Variants in TYW1B observed in about 807,000 individuals in gnomAD.
TYW1B encodes the protein tRNA-yW synthesizing protein 1 homolog B.
TYW1B carries 73 observed loss-of-function variants against 86.9 expected under a neutral mutation model. That is an observed-to-expected ratio of 0.84 (90% CI 0.70 to 1.02). TYW1B has a LOEUF of 1.02. Among genes scored for constraint, TYW1B ranks in the 50% least tolerant of loss-of-function variants. TYW1B has a pLI of 0.00. For missense variants in TYW1B, 637 were observed against 827.4 expected, an observed-to-expected ratio of 0.77 and a Z score of 2.82; for synonymous variants, 248 against 292.8, an observed-to-expected ratio of 0.85 and a Z score of 1.56.
chr7:72,684,398 G>A (rs556458039), intron 11 of TYW1B, among the ~76,000 whole-genome samples: 1 of 152,140 alleles, frequency 6.6e-6, no homozygotes, highest in Non-Finnish European at 1.5e-5. Context: ...CAGAAACCAT[G>A]CAAGCAAGGA....
chr7:72,820,901 A>G (rs1445310442), intron 2 of TYW1B, among the ~76,000 whole-genome samples: 1 of 152,218 alleles, frequency 6.6e-6, no homozygotes, highest in Non-Finnish European at 1.5e-5. Context: ...AATCAACAAC[A>G]TGGAGTTACT....
rs537517965 is a variant in TYW1B at position 72,727,259 on chromosome 7, G to A, written c.1192+1563C>T. On this transcript the variant is annotated intron_variant, in intron 9 of 13. Coordinates refer to ENST00000620995, the MANE Select transcript of TYW1B (RefSeq NM_001145440.3). ...CTGAGGTTTCTAAAGACTCCCATAT[G>A]TGCTATTAATACCTTAAGAGTGTCT... Among the ~76,000 whole-genome samples the A allele has an allele frequency of 1.4e-4, 22 of 152,276 alleles. No homozygotes were observed. The East Asian group carries it at 4.2e-3, about 29-fold the overall frequency.
At chr7:72,663,447 G>A (rs1177859667) in intron 11 of TYW1B, among the ~76,000 whole-genome samples, 1 of 151,904 alleles carries the variant, frequency 6.6e-6, no homozygotes, top group Non-Finnish European at 1.5e-5. Context: ...TGATCTATGT[G>A]ACCTAAAACA....
At chr7:72,735,784 C>T (rs1263877988) in intron 8 of TYW1B, among the ~76,000 whole-genome samples, 4 of 150,856 alleles carry the variant, frequency 2.7e-5, no homozygotes, top group Non-Finnish European at 5.9e-5. Flanking sequence ...GGACAAGAAT[C>T]GCTTGAACCT....
chr7:72,803,810 C>T (rs1308185113), intron 5 of TYW1B, among the ~76,000 whole-genome samples: 4 of 151,824 alleles, frequency 2.6e-5, no homozygotes, highest in Non-Finnish European at 5.9e-5. Flanking sequence ...GAGAGGGTTT[C>T]ACCATGTCAG....
At chr7:72,643,781 T>C (rs1585871202) in intron 11 of TYW1B, among the ~76,000 whole-genome samples, 1 of 152,126 alleles carries the variant, frequency 6.6e-6, no homozygotes, top group African/African-American at 2.4e-5. Context: ...CACAACTTAA[T>C]AAAATTGATA....
chr7:72,802,124 G>A (rs746162405), intron 6 of TYW1B, among the ~76,000 whole-genome samples: 4 of 151,404 alleles, frequency 2.6e-5, no homozygotes, highest in African/African-American at 7.3e-5. Flanking sequence ...TGTGGCCCAC[G>A]AAAGCCAAAA....
intron 9 of TYW1B, among the ~76,000 whole-genome samples, chr7:72,723,735 T>C (rs1378699246): frequency 6.6e-6 from 1 of 152,160 alleles, no homozygotes; most frequent in East Asian, 1.9e-4. Context: ...GATCATGCCA[T>C]TGCATTCCAG....
Position 72,808,959 on chromosome 7 carries a change from G to A in TYW1B, c.432+1512C>T, listed in dbSNP as rs149232032. Among the ~76,000 whole-genome samples the A allele has an allele frequency of 3.8e-3, 571 of 151,460 alleles. 5 individuals are homozygous for A. The highest frequency in any genetic ancestry group is 5.0e-3 in the South Asian group (24 of 4,792). On this transcript the variant is annotated intron_variant, in intron 4 of 13. Coordinates refer to ENST00000620995, the MANE Select transcript of TYW1B (RefSeq NM_001145440.3). The stretch of plus-strand genomic sequence containing the variant: ...GACCAAGAAACTGAGAGGCTCCATC[G>A]TTTCATTTTTTCAAGTGTAGAGAAC...
chr7:72,788,899 T>G (rs569659289), intron 6 of TYW1B, among the ~76,000 whole-genome samples: 20 of 151,250 alleles, frequency 1.3e-4, no homozygotes, highest in Admixed American at 1.1e-3. Context: ...GCTGTGATCA[T>G]AGCTCACTGC....
intron 11 of TYW1B, among the ~76,000 whole-genome samples, chr7:72,693,946 C>T (rs1344411395): frequency 2.6e-5 from 4 of 151,756 alleles, no homozygotes; most frequent in African/African-American, 9.7e-5. Context: ...AAATACTATG[C>T]CATTTTATTT....
intron 11 of TYW1B, among the ~76,000 whole-genome samples, chr7:72,687,033 T>A (rs1466705221): frequency 2.0e-5 from 3 of 152,156 alleles, no homozygotes; most frequent in African/African-American, 7.2e-5. Context: ...GGGCAAAGAT[T>A]TCACAAATAG....
chr7:72,815,505 A>C, intron 2 of TYW1B, 24 bp from the exon 3 acceptor site: 1 of 1,594,670 alleles, frequency 6.3e-7, no homozygotes. Flanking sequence ...AAAAAACTTC[A>C]AATAAAGTCT....
chr7:72,583,327 G>T (rs1811200839), intron 13 of TYW1B, among the ~76,000 whole-genome samples: 1 of 152,176 alleles, frequency 6.6e-6, no homozygotes, highest in Non-Finnish European at 1.5e-5. Context: ...TCCAGCCTGG[G>T]GGACAGAGCA....
At chr7:72,693,849 C>T (rs1814237650) in intron 11 of TYW1B, among the ~76,000 whole-genome samples, 1 of 152,104 alleles carries the variant, frequency 6.6e-6, no homozygotes. Context: ...ATAACAACCA[C>T]TTACATGGCA....
chr7:72,630,251 C>CA (rs779472822), intron 11 of TYW1B, among the ~76,000 whole-genome samples: 83 of 152,170 alleles, frequency 5.5e-4, no homozygotes, highest in Non-Finnish European at 1.1e-3. Flanking sequence ...TGCACTGAGA[C>CA]AGAGCAAGAC....
At chr7:72,786,859 G>A (rs1788138868) in intron 6 of TYW1B, among the ~76,000 whole-genome samples, 1 of 152,064 alleles carries the variant, frequency 6.6e-6, no homozygotes, top group African/African-American at 2.4e-5. Flanking sequence ...ACAGGCATGA[G>A]CCACTGCGCC....
chr7:72,605,351 T>G (rs1371029313), intron 13 of TYW1B, among the ~76,000 whole-genome samples: 6 of 150,934 alleles, frequency 4.0e-5, no homozygotes, highest in Non-Finnish European at 8.8e-5. Context: ...TTTTTTTTTG[T>G]TTGTTTTGTT....
intron 11 of TYW1B, among the ~76,000 whole-genome samples, chr7:72,682,269 G>C (rs549729037): frequency 2.6e-5 from 4 of 151,196 alleles, no homozygotes; most frequent in South Asian, 4.2e-4. Context: ...GAATGGAACA[G>C]CACATATATC....
Sources: gnomAD v4.1 joint callset for allele counts (sites outside exome capture counted in the v4.1 genomes callset) on GRCh38, gnomAD v4.1.1 for gene constraint, MANE v1.5 for transcripts, NCBI Gene and HGNC (gene_info 2026-07-23, HGNC 2026-07-21) for gene names.